Variants in SCAF8 observed in about 807,000 individuals in gnomAD.
The protein encoded by SCAF8 is SR-related CTD associated factor 8.
Under a neutral mutation model 140.5 loss-of-function variants are expected in SCAF8, and 23 were observed. The observed-to-expected ratio is 0.16, with a 90% CI of 0.12 to 0.23. SCAF8 has a LOEUF of 0.23. SCAF8 is among the 10% of genes least tolerant of loss of function. The pLI is 1.00. For missense variants in SCAF8, 1,397 were observed against 1,555.7 expected, an observed-to-expected ratio of 0.90 and a Z score of 1.72; for synonymous variants, 575 against 528.9, an observed-to-expected ratio of 1.09 and a Z score of -1.20.
intron 17 of SCAF8, chr6:154,824,814 A>G (rs117184294): frequency 0.017 from 2,580 of 153,454 alleles, 28 homozygotes; most frequent in Non-Finnish European, 0.023. Flanking sequence ...GTGGTGGCAC[A>G]GGTCTGTAAT....
chr6:154,747,937 T>TAC (rs1554257326), intron 1 of SCAF8, among the ~76,000 whole-genome samples: 5 of 146,444 alleles, frequency 3.4e-5, no homozygotes, highest in African/African-American at 1.3e-4. Flanking sequence ...TGTGTGTGTG[T>TAC]ACTAGAAATG....
chr6:154,830,899 AT>A (rs767544377), intron 18 of SCAF8, 22 bp from the exon 19 acceptor site: 2 of 1,581,050 alleles, frequency 1.3e-6, no homozygotes, highest in South Asian at 1.1e-5. Flanking sequence ...AATCTGAAAT[AT>A]ATTTTTCTCC....
intron 9 of SCAF8, 116 bp downstream of exon 9, chr6:154,805,602 A>G (rs1777891088): frequency 6.6e-6 from 3 of 456,968 alleles, no homozygotes; most frequent in South Asian, 1.5e-4. Context: ...TATTTTCTCA[A>G]CTATTTAGCT....
intron 1 of SCAF8, among the ~76,000 whole-genome samples, chr6:154,770,439 G>A (rs1479352610): frequency 6.7e-6 from 1 of 149,154 alleles, no homozygotes; most frequent in Non-Finnish European, 1.5e-5. Flanking sequence ...GAGTGTGGCG[G>A]TCCGTGCCTA....
intron 1 of SCAF8, among the ~76,000 whole-genome samples, chr6:154,756,956 GGAGGTTGCAGTGAGCT>G (rs1475050993): frequency 6.6e-6 from 1 of 152,108 alleles, no homozygotes; most frequent in Non-Finnish European, 1.5e-5. Flanking sequence ...CCTGGGAGAC[GGAGGTTGCAGTGAGCT>G]GAGGTTGCAC....
At chr6:154,756,801 C>A (rs780774171) in intron 1 of SCAF8, among the ~76,000 whole-genome samples, 2 of 152,024 alleles carry the variant, frequency 1.3e-5, no homozygotes, top group Non-Finnish European at 2.9e-5. Context: ...CGGAGGAGGG[C>A]GGATCGCTTG....
At chr6:154,742,061 T>C in intron 1 of SCAF8, 1 of 1,353,074 alleles carries the variant, frequency 7.4e-7, no homozygotes, top group African/African-American at 1.4e-5. Flanking sequence ...CTTTGGAATA[T>C]GTTAGGTTTC....
intron 1 of SCAF8, among the ~76,000 whole-genome samples, chr6:154,743,777 A>G (rs1778629547): frequency 6.6e-6 from 1 of 152,182 alleles, no homozygotes; most frequent in Non-Finnish European, 1.5e-5. Flanking sequence ...TAAGTGTTTG[A>G]GTTTGTTGAA....
rs552930459 is a variant in SCAF8, at chr6:154,746,426, T to C, written c.30+12496T>C. Among the ~76,000 whole-genome samples the C allele has an allele frequency of 3.3e-5, 5 of 152,314 alleles. No homozygotes were observed. In the East Asian group the frequency reaches 9.6e-4, roughly 29 times the overall value. ...ACTGTAAATTATATATATACATACA[T>C]TCTCTTTCTCATCTGTTTTGTATCC... On this transcript the variant is annotated intron_variant, in intron 1 of 19. Transcript: ENST00000367178.
intron 3 of SCAF8, among the ~76,000 whole-genome samples, chr6:154,786,853 G>A (rs2114868460): frequency 6.6e-6 from 1 of 152,294 alleles, no homozygotes; most frequent in East Asian, 1.9e-4. Flanking sequence ...AGTTTTCCAA[G>A]TATTAAAATT....
chr6:154,767,423 T>C (rs558614503), intron 1 of SCAF8, among the ~76,000 whole-genome samples: 1 of 151,832 alleles, frequency 6.6e-6, no homozygotes, highest in East Asian at 1.9e-4. Context: ...TGCAAAAACC[T>C]GTTCAGGGAG....
intron 1 of SCAF8, among the ~76,000 whole-genome samples, chr6:154,773,136 G>C (rs1342757453): frequency 6.6e-6 from 1 of 152,132 alleles, no homozygotes; most frequent in Non-Finnish European, 1.5e-5. Context: ...ACAATTCAGT[G>C]GTTCTGTGCA....
At chr6:154,739,458 G>A (rs1187201553) in intron 1 of SCAF8, among the ~76,000 whole-genome samples, 1 of 152,056 alleles carries the variant, frequency 6.6e-6, no homozygotes, top group Non-Finnish European at 1.5e-5. Flanking sequence ...TTACAATGTA[G>A]CCTTTCCCCC....
At chr6:154,792,040 A>C (rs1777436063) in intron 4 of SCAF8, among the ~76,000 whole-genome samples, 3 of 151,986 alleles carry the variant, frequency 2.0e-5, no homozygotes, top group Admixed American at 2.0e-4. Flanking sequence ...ATGGTAAAGG[A>C]TTCAAATTTT....
At chr6:154,747,624 C>T (rs559830587) in intron 1 of SCAF8, among the ~76,000 whole-genome samples, 2 of 152,150 alleles carry the variant, frequency 1.3e-5, no homozygotes, top group East Asian at 1.9e-4. Context: ...CTTAGAAACC[C>T]GAGAACTTGA....
intron 12 of SCAF8, among the ~76,000 whole-genome samples, chr6:154,814,398 A>G (rs930344979): frequency 1.3e-5 from 2 of 152,226 alleles, no homozygotes; most frequent in Admixed American, 6.5e-5. Context: ...TGCATAGGGT[A>G]AGACTTACAG....
At chr6:154,782,706 CAGTCTG>C (rs1328441953) in intron 3 of SCAF8, among the ~76,000 whole-genome samples, 4 of 152,146 alleles carry the variant, frequency 2.6e-5, no homozygotes, top group African/African-American at 4.8e-5. Flanking sequence ...CAAGGACGGC[CAGTCTG>C]AGTCTCAAAA....
chr6:154,733,826 C>T lies in SCAF8; in HGVS notation c.-75C>T. On this transcript the variant is annotated 5_prime_UTR_variant, in exon 1 of 20. Coordinates refer to ENST00000367178, the MANE Select transcript of SCAF8 (RefSeq NM_014892.5). ...CTCCTCGCGGCCACGCAGCAGCCCGCGTCTCGCTCTCCCCACCCAGTGCAG... is the reference window on the plus strand; with the variant it reads ...CTCCTCGCGGCCACGCAGCAGCCCGTGTCTCGCTCTCCCCACCCAGTGCAG... 1 of 1,499,406 alleles carries T rather than the reference C, an allele frequency of 6.7e-7. No homozygotes were observed. Among genetic ancestry groups the T allele is most frequent in the Admixed American group, 2.5e-5 (1 of 39,368 alleles). The allele number at this position is 1,499,406 out of a possible 1,614,324, so 92.9% of individuals were successfully genotyped here.
chr6:154,786,683 A>T (rs1413266434), intron 3 of SCAF8, among the ~76,000 whole-genome samples: 1 of 152,244 alleles, frequency 6.6e-6, no homozygotes, highest in Non-Finnish European at 1.5e-5. Flanking sequence ...TTTCACTGTC[A>T]TAACTTCCTC....
Sources: allele counts gnomAD v4.1 joint callset (sites outside exome capture counted in the v4.1 genomes callset), GRCh38; gene constraint gnomAD v4.1.1; transcripts MANE v1.5; gene names NCBI Gene and HGNC (gene_info 2026-07-23, HGNC 2026-07-21).